The following VEPH1 variants were observed in gnomAD, a reference collection of about 807,000 sequenced individuals.
VEPH1 encodes ventricular zone expressed PH domain containing 1.
Under a neutral mutation model 85.2 loss-of-function variants are expected in VEPH1, and 80 were observed. That is an observed-to-expected ratio of 0.94 (90% CI 0.78 to 1.13). The LOEUF (loss-of-function observed/expected upper bound fraction) is 1.13, where lower values mean the gene tolerates loss of function less well. Among genes scored for constraint, VEPH1 ranks in the 50% most tolerant of loss-of-function variants. The pLI is 0.00. For missense variants in VEPH1, 955 were observed against 980.5 expected (o/e 0.97, Z 0.35); for synonymous variants, 297 against 348.0 (o/e 0.85, Z 1.63).
chr3:157,401,879 T>A (rs1730816466), intron 6 of VEPH1, among the ~76,000 whole-genome samples: 1 of 152,090 alleles, frequency 6.6e-6, no homozygotes, highest in Admixed American at 6.6e-5. Context: ...ATACCCCTAG[T>A]TAGGATGTCT....
chr3:157,342,318 G>A (rs1723666586), intron 9 of VEPH1, among the ~76,000 whole-genome samples: 1 of 152,088 alleles, frequency 6.6e-6, no homozygotes, highest in African/African-American at 2.4e-5. Context: ...TCAAAATAAA[G>A]GGATGGAGGA....
intron 11 of VEPH1, among the ~76,000 whole-genome samples, chr3:157,301,019 G>A (rs1718730422): frequency 6.6e-6 from 1 of 152,198 alleles, no homozygotes; most frequent in African/African-American, 2.4e-5. Flanking sequence ...ATTAATCCCG[G>A]ATGAACTATC....
intron 4 of VEPH1, chr3:157,442,535 T>A (rs1174605561): frequency 6.2e-7 from 1 of 1,614,076 alleles, no homozygotes; most frequent in Non-Finnish European, 8.5e-7. Context: ...GGAATCCATA[T>A]GAAATCCAGC....
chr3:157,475,807 A>G (rs950880013), intron 2 of VEPH1, among the ~76,000 whole-genome samples: 4 of 152,326 alleles, frequency 2.6e-5, no homozygotes, highest in Non-Finnish European at 4.4e-5. Context: ...ATGAGAGAAC[A>G]TTCTCCCAAC....
At chr3:157,348,203 C>T (rs2108688013) in intron 9 of VEPH1, among the ~76,000 whole-genome samples, 1 of 152,168 alleles carries the variant, frequency 6.6e-6, no homozygotes, top group Admixed American at 6.5e-5. Flanking sequence ...TGCCCCCAAG[C>T]AGGAGGGGCA....
At chr3:157,396,196 G>T (rs1441312066) in intron 6 of VEPH1, among the ~76,000 whole-genome samples, 2 of 152,158 alleles carry the variant, frequency 1.3e-5, no homozygotes, top group African/African-American at 2.4e-5. Context: ...TTGATTTTCT[G>T]TTCCTGTTTT....
intron 9 of VEPH1, among the ~76,000 whole-genome samples, chr3:157,360,556 C>G (rs1278557223): frequency 6.6e-6 from 1 of 151,800 alleles, no homozygotes; most frequent in Non-Finnish European, 1.5e-5. Flanking sequence ...GGTTATGTCC[C>G]CATAACCCCA....
chr3:157,397,431 A>G (rs181196869), intron 6 of VEPH1, among the ~76,000 whole-genome samples: 3 of 152,274 alleles, frequency 2.0e-5, no homozygotes, highest in African/African-American at 2.4e-5. Context: ...TTGGTTCCAT[A>G]TGAATTTTAA....
At chr3:157,349,624 T>C (rs772597892) in intron 9 of VEPH1, among the ~76,000 whole-genome samples, 2 of 152,114 alleles carry the variant, frequency 1.3e-5, no homozygotes, top group Non-Finnish European at 2.9e-5. Context: ...ATCATATATA[T>C]AGAAAAACCT....
chr3:157,334,637 C>G (rs1313214170), intron 9 of VEPH1, among the ~76,000 whole-genome samples: 1 of 152,108 alleles, frequency 6.6e-6, no homozygotes, highest in African/African-American at 2.4e-5. Flanking sequence ...TAAAAAGATT[C>G]AGAGTTTTAC....
chr3:157,266,270 C>T (rs193097060), intron 12 of VEPH1, among the ~76,000 whole-genome samples: 1 of 151,866 alleles, frequency 6.6e-6, no homozygotes, highest in East Asian at 1.9e-4. Flanking sequence ...AACTCTTGTA[C>T]ATGCTAGTCT....
intron 12 of VEPH1, among the ~76,000 whole-genome samples, chr3:157,271,933 G>A (rs969592133): frequency 6.6e-6 from 1 of 152,182 alleles, no homozygotes; most frequent in Non-Finnish European, 1.5e-5. Flanking sequence ...AAGACACTTT[G>A]GTAAGTGGTA....
At chr3:157,487,594 C>T (rs770472279) in intron 2 of VEPH1, among the ~76,000 whole-genome samples, 25 of 152,010 alleles carry the variant, frequency 1.6e-4, no homozygotes, top group African/African-American at 5.1e-4. Context: ...AACTTGATGT[C>T]GAAGCTAGGT....
At chr3:157,465,843 G>A (rs999019367) in intron 3 of VEPH1, among the ~76,000 whole-genome samples, 4 of 152,194 alleles carry the variant, frequency 2.6e-5, no homozygotes, top group African/African-American at 9.7e-5. Context: ...CTGTTACCCT[G>A]CAGGCAGCCT....
chr3:157,357,178 C>T lies in VEPH1; in HGVS notation c.1735+6186G>A, dbSNP rs114772130. On this transcript the variant is annotated intron_variant, in intron 9 of 13. Transcript: ENST00000362010. ...ATTGAAATATACTCCTGTGCATTTT[C>T]GCTCCATTTATGTATTTACTTTTGC... is the stretch of plus-strand genomic sequence containing the variant. Among the ~76,000 whole-genome samples, 1,047 of 152,176 alleles carry T rather than the reference C, an allele frequency of 6.9e-3. 18 individuals carry two copies. Among genetic ancestry groups the T allele is most frequent in the African/African-American group, 0.024 (987 of 41,518 alleles).
chr3:157,392,104 AATG>A (rs1489075825), intron 6 of VEPH1, among the ~76,000 whole-genome samples: 2 of 152,252 alleles, frequency 1.3e-5, no homozygotes, highest in Non-Finnish European at 2.9e-5. Context: ...GAAATGAAAG[AATG>A]ATACCTGCTA....
chr3:157,466,614 A>G (rs1736401214), intron 3 of VEPH1, among the ~76,000 whole-genome samples: 1 of 152,250 alleles, frequency 6.6e-6, no homozygotes, highest in Non-Finnish European at 1.5e-5. Flanking sequence ...TAGAGATGGC[A>G]GAACAGAGAT....
chr3:157,422,788 T>C (rs116353061), intron 5 of VEPH1, among the ~76,000 whole-genome samples: 2,674 of 152,338 alleles, frequency 0.018, 38 homozygotes, highest in Middle Eastern at 0.048. Context: ...TTATTGTGTC[T>C]TTAACTCTCC....
At chr3:157,290,561 G>A (rs1382864927) in intron 11 of VEPH1, among the ~76,000 whole-genome samples, 1 of 152,134 alleles carries the variant, frequency 6.6e-6, no homozygotes, top group South Asian at 2.1e-4. Flanking sequence ...ATTCTACTTA[G>A]AGGAGTCACA....
Sources: gnomAD v4.1 joint callset for allele counts (sites outside exome capture counted in the v4.1 genomes callset) on GRCh38, gnomAD v4.1.1 for gene constraint, MANE v1.5 for transcripts, NCBI Gene and HGNC (gene_info 2026-07-23, HGNC 2026-07-21) for gene names.